Variants in LINGO2 observed in about 807,000 individuals in gnomAD.
LINGO2 encodes leucine rich repeat and Ig domain containing 2.
In LINGO2, 14 loss-of-function variants were observed where a neutral mutation model predicts 30.6. That is an observed-to-expected ratio of 0.46 (90% CI 0.30 to 0.72). The LOEUF is 0.72. LINGO2 is among the 30% of genes least tolerant of loss of function. LINGO2 has a pLI of 0.07. For synonymous variants in LINGO2, 317 were observed against 288.5 expected, an observed-to-expected ratio of 1.10 and a Z score of -1.00; for missense variants, 729 against 751.7, an observed-to-expected ratio of 0.97 and a Z score of 0.35.
Position 28,148,644 on chromosome 9 carries a change from A to G in LINGO2, c.-86-136239T>C. ...CACCTCAAGAGCTTGACAGAAAACA[A>G]CCAGACTGACAAGGCCCAGGTGCCT... On this transcript the variant is annotated intron_variant, in intron 4 of 5. Coordinates refer to ENST00000379992, the Ensembl canonical transcript of LINGO2. The surrounding 1 kb of genome is among the most constrained non-coding windows in gnomAD (Gnocchi z 5.1). 2 of 1,531,288 alleles carry G rather than the reference A, an allele frequency of 1.3e-6. No individual in the cohort carries two copies. Among genetic ancestry groups the G allele is most frequent in the Non-Finnish European group, 1.7e-6 (2 of 1,143,906 alleles). The allele number at this position is 1,531,288 out of a possible 1,614,324, so 94.9% of individuals were successfully genotyped here.
chr9:28,577,302 T>C (rs1354651877), intron 1 of LINGO2, among the ~76,000 whole-genome samples: 1 of 152,142 alleles, frequency 6.6e-6, no homozygotes, highest in Non-Finnish European at 1.5e-5. Context: ...GAGTTGTCTT[T>C]TCAGACTTTT....
At chr9:27,960,066 G>C (rs907094657) in intron 5 of LINGO2, among the ~76,000 whole-genome samples, 2 of 151,842 alleles carry the variant, frequency 1.3e-5, no homozygotes, top group African/African-American at 4.8e-5. Flanking sequence ...GTAATATATT[G>C]GGGGTTATTT....
the LINGO2 span, among the ~76,000 whole-genome samples, chr9:28,998,646 T>C: frequency 6.6e-6 from 1 of 152,086 alleles, no homozygotes; most frequent in African/African-American, 2.4e-5. Context: ...GAAAGTGTAC[T>C]TTCCTAGTCA....
chr9:28,127,295 G>C (rs532066116), intron 4 of LINGO2, among the ~76,000 whole-genome samples: 1 of 152,274 alleles, frequency 6.6e-6, no homozygotes, highest in African/African-American at 2.4e-5. Context: ...TGGAGTGTTT[G>C]CTTTCACTCT....
At chr9:28,259,944 C>T (rs765054988) in intron 4 of LINGO2, among the ~76,000 whole-genome samples, 6 of 151,762 alleles carry the variant, frequency 4.0e-5, no homozygotes, top group Non-Finnish European at 7.4e-5. Context: ...ATTGACCACC[C>T]GGCAAAAATG....
At chr9:28,761,484 G>GCA in the LINGO2 span, among the ~76,000 whole-genome samples, 101,348 of 148,972 alleles carry the variant, frequency 0.68, 35,839 homozygotes, top group East Asian at 0.78. Flanking sequence ...ATATACATGC[G>GCA]CACACACACA....
intron 4 of LINGO2, among the ~76,000 whole-genome samples, chr9:28,229,151 AT>A: frequency 6.6e-6 from 1 of 151,934 alleles, no homozygotes; most frequent in Non-Finnish European, 1.5e-5. Context: ...TAACATACAT[AT>A]TTACAAAGAA....
At chr9:28,065,987 C>T (rs1034393877) in intron 4 of LINGO2, among the ~76,000 whole-genome samples, 2 of 151,992 alleles carry the variant, frequency 1.3e-5, no homozygotes, top group African/African-American at 4.8e-5. Context: ...GCTTGACAAC[C>T]TCCCAAAAAT....
At chr9:28,102,365 C>G (rs1208521674) in intron 4 of LINGO2, among the ~76,000 whole-genome samples, 2 of 151,900 alleles carry the variant, frequency 1.3e-5, no homozygotes, top group African/African-American at 4.8e-5. Context: ...AAAACACAAA[C>G]CAGAGAGGGG....
At chr9:27,981,535 AAAAAAAAAAAAAAAAG>A (rs1178990498) in intron 5 of LINGO2, among the ~76,000 whole-genome samples, 2 of 87,258 alleles carry the variant, frequency 2.3e-5, no homozygotes, top group Non-Finnish European at 2.2e-5. Context: ...CGAGGATGGC[AAAAAAAAAAAAAAAAG>A]AAAAAAAAGA....
intron 4 of LINGO2, among the ~76,000 whole-genome samples, chr9:28,187,681 G>C (rs1033779885): frequency 6.6e-6 from 1 of 152,102 alleles, no homozygotes; most frequent in African/African-American, 2.4e-5. Flanking sequence ...TTCAAGATAA[G>C]GGGGGCAGAC....
chr9:28,823,000 A>AT, the LINGO2 span, among the ~76,000 whole-genome samples: 1 of 152,158 alleles, frequency 6.6e-6, no homozygotes, highest in African/African-American at 2.4e-5. Flanking sequence ...ACCTGTTACT[A>AT]TATTAACATG....
the LINGO2 span, among the ~76,000 whole-genome samples, chr9:28,775,035 G>A: frequency 3.3e-5 from 5 of 152,112 alleles, no homozygotes; most frequent in Admixed American, 6.6e-5. Flanking sequence ...AGAGTCAACT[G>A]GAAGAAGGGG....
At position 27,957,416 on chromosome 9, in the gene LINGO2, C is replaced by T. The variant is rs140938852; in HGVS notation, c.-35-6710G>A. Among the ~76,000 whole-genome samples the T allele has an allele frequency of 5.0e-3, 759 of 152,236 alleles. 16 individuals carry two copies. The East Asian group carries it at 0.061, about 12-fold the overall frequency. The stretch of plus-strand genomic sequence containing the variant: ...TCAAGAGATTCTCCTGCCTCAGCCT[C>T]CCGAGTAGCTGGGATTACAGGCATG... On this transcript the variant is annotated intron_variant, in intron 5 of 5. Transcript: ENST00000379992.
At chr9:29,158,657 AAGGTCTTACTC>A in the LINGO2 span, among the ~76,000 whole-genome samples, 1 of 152,126 alleles carries the variant, frequency 6.6e-6, no homozygotes, top group African/African-American at 2.4e-5. Context: ...ACAACTCTCT[AAGGTCTTACTC>A]AGCCATTACC....
intron 4 of LINGO2, among the ~76,000 whole-genome samples, chr9:28,086,207 A>T (rs1201862689): frequency 6.6e-6 from 1 of 152,016 alleles, no homozygotes; most frequent in Non-Finnish European, 1.5e-5. Flanking sequence ...TTTTAACTAT[A>T]AAAAAATCCA....
chr9:28,797,508 A>G, the LINGO2 span, among the ~76,000 whole-genome samples: 3,384 of 151,402 alleles, frequency 0.022, 128 homozygotes, highest in African/African-American at 0.076. Flanking sequence ...TTGAGGTTGA[A>G]CTGAGACACT....
chr9:28,006,068 A>T (rs1379632884), intron 5 of LINGO2, among the ~76,000 whole-genome samples: 1 of 152,146 alleles, frequency 6.6e-6, no homozygotes, highest in Non-Finnish European at 1.5e-5. Context: ...TAGGCCTATC[A>T]CAGGGCAAAG....
chr9:28,965,063 CTT>C, the LINGO2 span, among the ~76,000 whole-genome samples: 1 of 151,810 alleles, frequency 6.6e-6, no homozygotes, highest in Non-Finnish European at 1.5e-5. Flanking sequence ...AATAATCTGT[CTT>C]TTGGAGCTAA....
Sources: gnomAD v4.1 joint callset for allele counts (sites outside exome capture counted in the v4.1 genomes callset) on GRCh38, gnomAD v4.1.1 for gene constraint, Gnocchi (gnomAD v3.1) non-coding constraint, MANE v1.5 for transcripts, NCBI Gene and HGNC (gene_info 2026-07-23, HGNC 2026-07-21) for gene names.